Variants in GIMAP7 observed in about 807,000 individuals in gnomAD.
GIMAP7 encodes GTPase, IMAP family member 7.
For synonymous variants in GIMAP7, 137 were observed against 129.3 expected, an observed-to-expected ratio of 1.06 and a Z score of -0.40; for missense variants, 323 against 359.7, an observed-to-expected ratio of 0.90 and a Z score of 0.83.
intron 1 of GIMAP7, among the ~76,000 whole-genome samples, chr7:150,517,787 T>A (rs943963922): frequency 6.6e-6 from 1 of 152,106 alleles, no homozygotes; most frequent in Non-Finnish European, 1.5e-5. Context: ...GTTCTCAAGA[T>A]CAAATTTGCA....
intron 1 of GIMAP7, among the ~76,000 whole-genome samples, chr7:150,517,007 T>C (rs932115977): frequency 1.7e-4 from 26 of 152,246 alleles, no homozygotes; most frequent in Admixed American, 1.7e-3. Flanking sequence ...CAAAAGATGA[T>C]ATTCTATCAT....
At chr7:150,516,566 C>T (rs916336676) in intron 1 of GIMAP7, among the ~76,000 whole-genome samples, 7 of 152,196 alleles carry the variant, frequency 4.6e-5, no homozygotes, top group Admixed American at 3.9e-4. Context: ...TCAGATTTCC[C>T]TGAAGATCTC....
chr7:150,516,647 T>A (rs954194286), intron 1 of GIMAP7, among the ~76,000 whole-genome samples: 2 of 152,246 alleles, frequency 1.3e-5, no homozygotes, highest in African/African-American at 4.8e-5. Context: ...ACATCTCTTA[T>A]GTTTCACTTA....
chr7:150,515,396 T>G (rs1363381866), intron 1 of GIMAP7, among the ~76,000 whole-genome samples: 1 of 152,196 alleles, frequency 6.6e-6, no homozygotes, highest in Non-Finnish European at 1.5e-5. Context: ...ACACTAGAAT[T>G]CAGTCTGCTG....
rs1795185430 is a variant in GIMAP7 at position 150,521,014 on chromosome 7, A to G, written c.*137A>G. ...TTAATGTATATAATGTGATTTTTAA[A>G]TATATATATATATATACACACATTG... On this transcript the variant is annotated 3_prime_UTR_variant, in exon 2 of 2. Transcript: ENST00000313543. 1 of 66,494 alleles carries G rather than the reference A, an allele frequency of 1.5e-5. No individual in the cohort carries two copies. The highest frequency in any genetic ancestry group is 2.5e-5 in the Non-Finnish European group (1 of 40,376). 4.1% of individuals were successfully genotyped at this position (66,494 alleles called of 1,614,324 possible).
intron 1 of GIMAP7, among the ~76,000 whole-genome samples, chr7:150,517,416 CTAAACTTG>C (rs1350173141): frequency 6.6e-6 from 1 of 152,076 alleles, no homozygotes; most frequent in Non-Finnish European, 1.5e-5. Flanking sequence ...ATGTTGTAGG[CTAAACTTG>C]TATGTTTACT....
intron 1 of GIMAP7, among the ~76,000 whole-genome samples, chr7:150,516,590 T>C (rs774525299): frequency 3.3e-5 from 5 of 152,220 alleles, no homozygotes; most frequent in Admixed American, 6.5e-5. Context: ...ATTTTTAAAA[T>C]TGTTTGAGGT....
rs760524047 is a variant in GIMAP7, at chr7:150,520,260, G to T, written c.286G>T (p.Val96Phe). The change falls in exon 2 of 2, where the codon GTC becomes TTC. Residue 96 changes from valine to phenylalanine, a missense_variant. Coordinates refer to ENST00000313543, the MANE Select transcript of GIMAP7 (RefSeq NM_153236.4). ...ISSCPGPHAI[V>F]LVLLLGRYTE... ...CTCCTGCCCAGGGCCCCATGCTATTGTCCTAGTTCTGCTGCTGGGCCGCTA... is the reference window on the plus strand; with the variant it reads ...CTCCTGCCCAGGGCCCCATGCTATTTTCCTAGTTCTGCTGCTGGGCCGCTA... The T allele has an allele frequency of 8.7e-6, 14 of 1,614,154 alleles. No homozygotes were observed. The highest frequency in any genetic ancestry group is 1.3e-5 in the African/African-American group (1 of 75,044).
At chr7:150,515,970 G>A (rs909308426) in intron 1 of GIMAP7, among the ~76,000 whole-genome samples, 1 of 152,182 alleles carries the variant, frequency 6.6e-6, no homozygotes, top group Non-Finnish European at 1.5e-5. Context: ...TGGCCTGAGA[G>A]TAGCCAAGAA....
chr7:150,520,648 C>T lies in GIMAP7; in HGVS notation c.674C>T (p.Thr225Ile), dbSNP rs199951983. ...QREEVLRKIY[T>I]DQLNEEIKLV... The stretch of plus-strand genomic sequence containing the variant: ...GAAGAGGTTTTGAGGAAAATCTACA[C>T]TGACCAATTAAATGAAGAAATTAAA... The change falls in exon 2 of 2, where the codon ACT becomes ATT. Residue 225 changes from threonine (T) to isoleucine (I), a missense_variant. Thr to Ile is a moderately conservative substitution (Grantham distance 89, BLOSUM62 -1). Transcript: ENST00000313543. 2 of 1,613,282 alleles carry T rather than the reference C, an allele frequency of 1.2e-6. No homozygotes were observed. The highest frequency in any genetic ancestry group is 2.7e-5 in the African/African-American group (2 of 74,892).
rs372605250 is a variant in GIMAP7 at position 150,520,783 on chromosome 7, G to C, written c.809G>C (p.Arg270Thr). 1.1e-4 allele frequency: 159 copies of C among 1,505,746 alleles called. No homozygotes were observed. Among genetic ancestry groups the C allele is most frequent in the African/African-American group, 5.2e-4 (37 of 71,200 alleles). The allele number at this position is 1,505,746 out of a possible 1,614,324, so 93.3% of individuals were successfully genotyped here. A position where few individuals can be genotyped will look rare whatever the true frequency, so the allele number is the denominator to read the frequency against. ...AAAAATATAAGGGAAGAAGCTGAGA[G>C]AAATATATTTAAAGATGTTTTTAAT... The part of the protein sequence containing the change: ...KIKNIREEAE[R>T]NIFKDVFNRI... Residue 270 changes from arginine (R) to threonine (T), a missense_variant, in exon 2 of 2, where the codon AGA (arginine) becomes ACA (threonine). By Grantham distance (71) the Arg-to-Thr change is moderately conservative. Transcript: ENST00000313543.
intron 1 of GIMAP7, among the ~76,000 whole-genome samples, chr7:150,517,338 G>T (rs12703077): frequency 1.3e-5 from 2 of 151,986 alleles, no homozygotes; most frequent in African/African-American, 4.8e-5. Flanking sequence ...CCTCTTTAAG[G>T]TAGCTTCCAA....
intron 1 of GIMAP7, among the ~76,000 whole-genome samples, chr7:150,518,921 T>A (rs1326402083): frequency 6.6e-6 from 1 of 151,814 alleles, no homozygotes; most frequent in Non-Finnish European, 1.5e-5. Context: ...GTGGTATAGT[T>A]ATTTCAGTGT....
chr7:150,517,371 AT>A (rs1208612027), intron 1 of GIMAP7, among the ~76,000 whole-genome samples: 1 of 152,118 alleles, frequency 6.6e-6, no homozygotes, highest in Admixed American at 6.5e-5. Context: ...AAACTAAGTA[AT>A]TTTTTATAGC....
At position 150,520,673 on chromosome 7, in the gene GIMAP7, A is replaced by G; in HGVS notation, c.699A>G (p.Lys233=). The G allele has an allele frequency of 6.2e-7, 1 of 1,607,490 alleles. No individual in the cohort carries two copies. Among genetic ancestry groups the G allele is most frequent in the Non-Finnish European group, 8.5e-7 (1 of 1,174,108 alleles). The change falls in exon 2 of 2, where the codon AAA becomes AAG. Residue 233 remains lysine (K), a synonymous_variant. Transcript: ENST00000313543. ...IYTDQLNEEI[K]LVEEDKHKSE... Reference sequence around the variant, plus strand: ...CTGACCAATTAAATGAAGAAATTAAACTAGTAGAAGAGGATAAGCATAAAT... The same window carrying G: ...CTGACCAATTAAATGAAGAAATTAAGCTAGTAGAAGAGGATAAGCATAAAT...
chr7:150,517,593 C>T (rs961800328), intron 1 of GIMAP7, among the ~76,000 whole-genome samples: 1 of 150,226 alleles, frequency 6.7e-6, no homozygotes, highest in African/African-American at 2.5e-5. Flanking sequence ...TACACACACA[C>T]ACACATACAC....
At chr7:150,519,771 C>T (rs1301790453) in intron 1 of GIMAP7, among the ~76,000 whole-genome samples, 163 bp from the exon 2 acceptor site, 1 of 152,192 alleles carries the variant, frequency 6.6e-6, no homozygotes, top group Admixed American at 6.5e-5. Context: ...TCTATTATTT[C>T]TTCCATATTA....
chr7:150,517,278 A>G (rs1405809212), intron 1 of GIMAP7, among the ~76,000 whole-genome samples: 1 of 152,190 alleles, frequency 6.6e-6, no homozygotes, highest in East Asian at 1.9e-4. Context: ...ATCCATTGGA[A>G]TAATCTTTAT....
Position 150,520,959 on chromosome 7 carries a change from G to T in GIMAP7, c.*82G>T. On this transcript the variant is annotated 3_prime_UTR_variant, in exon 2 of 2. Transcript: ENST00000313543. ...CCTCCTTCCCCTTAGCTTTATTAAG[G>T]TATCATTGATAAATAAAAATAAAAT... 2 of 569,148 alleles carry T rather than the reference G, an allele frequency of 3.5e-6. No homozygotes were observed. Among genetic ancestry groups the T allele is most frequent in the Non-Finnish European group, 5.6e-6 (2 of 357,616 alleles). 35.3% of individuals were successfully genotyped at this position (569,148 alleles called of 1,614,324 possible).
Sources: gnomAD v4.1 joint callset for allele counts (sites outside exome capture counted in the v4.1 genomes callset) on GRCh38, gnomAD v4.1.1 for gene constraint, MANE v1.5 for transcripts, NCBI Gene and HGNC (gene_info 2026-07-23, HGNC 2026-07-21) for gene names.